The following TARS3 variants were observed in gnomAD, a reference collection of about 807,000 sequenced individuals.
TARS3 encodes the protein threonine--tRNA ligase 2, cytoplasmic.
A neutral mutation model predicts 103.5 loss-of-function variants in TARS3; 94 were observed. The ratio of observed to expected loss-of-function variants is 0.91; its 90% CI spans 0.77 to 1.08. The LOEUF (loss-of-function observed/expected upper bound fraction) is 1.08, where lower values mean the gene tolerates loss of function less well. Ranked by LOEUF, TARS3 falls within the 50% of genes least tolerant of loss-of-function variation. The pLI is 0.00. For synonymous variants in TARS3, 416 were observed against 355.4 expected, an observed-to-expected ratio of 1.17 and a Z score of -1.92; for missense variants, 952 against 995.2, an observed-to-expected ratio of 0.96 and a Z score of 0.58.
chr15:101,715,042 G>A, intron 3 of TARS3, 79 bp from the exon 4 acceptor site: 3 of 1,391,636 alleles, frequency 2.2e-6, no homozygotes, highest in Admixed American at 2.5e-5. Flanking sequence ...GAATTTCTAG[G>A]GTTTTTTTTT....
intron 7 of TARS3, 75 bp from the exon 8 acceptor site, chr15:101,704,012 CTA>C: frequency 2.7e-6 from 3 of 1,097,120 alleles, no homozygotes; most frequent in Non-Finnish European, 4.0e-6. Context: ...CCATAATATC[CTA>C]TGTTTTAGGT....
intron 10 of TARS3, among the ~76,000 whole-genome samples, chr15:101,691,284 ATATATATATT>A (rs2141414805): frequency 7.4e-6 from 1 of 135,458 alleles, no homozygotes; most frequent in South Asian, 2.6e-4. Context: ...TTATATATAT[ATATATATATT>A]TTTGAAACAG....
chr15:101,668,004 T>A (rs1009934960), intron 15 of TARS3, among the ~76,000 whole-genome samples: 2 of 152,226 alleles, frequency 1.3e-5, no homozygotes. Context: ...GTTAGGGCTT[T>A]GCTCTGGATT....
chr15:101,678,194 G>A (rs544555266), intron 12 of TARS3, among the ~76,000 whole-genome samples: 63 of 150,766 alleles, frequency 4.2e-4, no homozygotes, highest in Non-Finnish European at 6.9e-4. Context: ...TGGTCAGGCT[G>A]GTCTTGAACT....
chr15:101,695,545 C>T (rs569289429), intron 10 of TARS3, among the ~76,000 whole-genome samples: 2 of 152,170 alleles, frequency 1.3e-5, no homozygotes, highest in Non-Finnish European at 2.9e-5. Flanking sequence ...AGTAACGCTT[C>T]TATGAACATC....
chr15:101,658,978 G>C (rs1181298784), intron 16 of TARS3, among the ~76,000 whole-genome samples: 1 of 152,254 alleles, frequency 6.6e-6, no homozygotes, highest in South Asian at 2.1e-4. Flanking sequence ...TTTCAGTAGA[G>C]ACGGGGTTTC....
intron 12 of TARS3, among the ~76,000 whole-genome samples, chr15:101,678,207 T>C (rs1898111893): frequency 6.6e-6 from 1 of 151,374 alleles, no homozygotes; most frequent in Non-Finnish European, 1.5e-5. Flanking sequence ...CTTGAACTCC[T>C]GACCTCATGA....
chr15:101,693,706 T>C (rs746983085), intron 10 of TARS3, among the ~76,000 whole-genome samples: 5 of 152,200 alleles, frequency 3.3e-5, no homozygotes, highest in Non-Finnish European at 5.9e-5. Flanking sequence ...TATGATGGAA[T>C]ACTGCCCAGG....
chr15:101,660,781 T>C (rs967970605), intron 16 of TARS3, among the ~76,000 whole-genome samples: 5 of 152,176 alleles, frequency 3.3e-5, no homozygotes, highest in Admixed American at 6.5e-5. Flanking sequence ...AGCCCATGCC[T>C]ATCCACCAGT....
At chr15:101,685,216 T>G (rs1898417147) in intron 11 of TARS3, among the ~76,000 whole-genome samples, 1 of 152,206 alleles carries the variant, frequency 6.6e-6, no homozygotes. Flanking sequence ...AAACTACAAT[T>G]GTTGGGATTG....
At chr15:101,659,899 CTTTG>C (rs1275797625) in intron 16 of TARS3, among the ~76,000 whole-genome samples, 5 of 152,152 alleles carry the variant, frequency 3.3e-5, no homozygotes, top group Non-Finnish European at 5.9e-5. Context: ...TTGGAAGACA[CTTTG>C]TTTGGGAAAC....
intron 10 of TARS3, among the ~76,000 whole-genome samples, chr15:101,692,594 T>C (rs557859622): frequency 1.8e-4 from 27 of 150,456 alleles, no homozygotes; most frequent in African/African-American, 6.4e-4. Flanking sequence ...CTCTGTGGGT[T>C]CTGGTATTAC....
At chr15:101,680,365 T>C (rs1046350633) in intron 12 of TARS3, among the ~76,000 whole-genome samples, 1 of 152,236 alleles carries the variant, frequency 6.6e-6, no homozygotes, top group Non-Finnish European at 1.5e-5. Context: ...CAGACTTCTG[T>C]TGGCCTGTTT....
intron 3 of TARS3, among the ~76,000 whole-genome samples, chr15:101,718,194 C>T (rs1004641057): frequency 5.9e-5 from 9 of 152,242 alleles, no homozygotes; most frequent in South Asian, 2.1e-4. Context: ...CATGGAGAAA[C>T]GCCATCCTTA....
chr15:101,718,495 C>A (rs1900278440), intron 3 of TARS3, among the ~76,000 whole-genome samples: 1 of 152,152 alleles, frequency 6.6e-6, no homozygotes, highest in African/African-American at 2.4e-5. Flanking sequence ...TGTAATTCAA[C>A]TGACTAAAAG....
chr15:101,720,668 C>G (rs1314346280), intron 3 of TARS3, among the ~76,000 whole-genome samples: 1 of 152,076 alleles, frequency 6.6e-6, no homozygotes, highest in Non-Finnish European at 1.5e-5. Flanking sequence ...AAAAAATTAG[C>G]TGATATGGTT....
chr15:101,656,405 C>G (rs999996098), intron 18 of TARS3, among the ~76,000 whole-genome samples: 1 of 152,224 alleles, frequency 6.6e-6, no homozygotes, highest in African/African-American at 2.4e-5. Context: ...GTGTTAGTTT[C>G]TCTTAATTTT....
chr15:101,671,215 C>A (rs1897786619), intron 15 of TARS3, among the ~76,000 whole-genome samples: 1 of 152,166 alleles, frequency 6.6e-6, no homozygotes, highest in South Asian at 2.1e-4. Context: ...AGTCTTCCCC[C>A]TGTAACTCAG....
At chr15:101,691,727 T>C (rs1415565011) in intron 10 of TARS3, among the ~76,000 whole-genome samples, 2 of 152,196 alleles carry the variant, frequency 1.3e-5, no homozygotes, top group East Asian at 1.9e-4. Flanking sequence ...CCCTGATAAA[T>C]ATAATTTTGT....
Sources: allele counts gnomAD v4.1 joint callset (sites outside exome capture counted in the v4.1 genomes callset), GRCh38; gene constraint gnomAD v4.1.1; transcripts MANE v1.5; gene names NCBI Gene and HGNC (gene_info 2026-07-23, HGNC 2026-07-21).